GRM8: variants seen among roughly 807,000 people sequenced by gnomAD.
GRM8 encodes the protein glutamate metabotropic receptor 8.
GRM8 carries 47 observed loss-of-function variants against 87.2 expected under a neutral mutation model. The observed-to-expected ratio is 0.54, with a 90% CI of 0.43 to 0.69. The LOEUF is 0.69. Ranked by LOEUF, GRM8 falls within the 30% of genes least tolerant of loss-of-function variation. The pLI is 0.00. For missense variants in GRM8, 1,019 were observed against 1,139.2 expected (o/e 0.89, Z 1.52); for synonymous variants, 396 against 404.5 (o/e 0.98, Z 0.25).
At chr7:126,848,552 T>C (rs2130688907) in intron 6 of GRM8, among the ~76,000 whole-genome samples, 1 of 152,308 alleles carries the variant, frequency 6.6e-6, no homozygotes, top group South Asian at 2.1e-4. Context: ...CTGGGCATGA[T>C]GGCTCACACC....
rs1436662063 is a variant in GRM8 at position 126,742,295 on chromosome 7, A to G, written c.1357+27570T>C. 2.0e-5 allele frequency among the ~76,000 whole-genome samples: 3 copies of G among 152,104 alleles called. No homozygotes were observed. In the East Asian group the frequency reaches 5.8e-4, roughly 29 times the overall value. On this transcript the variant is annotated intron_variant, in intron 7 of 10. Transcript: ENST00000339582. ...CCTTATTCTCACATTTTTTAACTTT[A>G]TATAGGTAGAAAGACATACTGGCTA...
intron 2 of GRM8, chr7:127,215,018 T>A (rs1796438248): frequency 6.6e-6 from 1 of 152,216 alleles, no homozygotes; most frequent in Non-Finnish European, 1.5e-5. Context: ...AGTCTAATTC[T>A]ACTGTTTGTT....
intron 2 of GRM8, among the ~76,000 whole-genome samples, chr7:127,143,190 A>C (rs2133277467): frequency 6.6e-6 from 1 of 152,060 alleles, no homozygotes; most frequent in Non-Finnish European, 1.5e-5. Flanking sequence ...CTAATAGGTA[A>C]GCCTGTTGGA....
chr7:126,663,177 C>T (rs183387336), intron 7 of GRM8, among the ~76,000 whole-genome samples: 86 of 152,274 alleles, frequency 5.6e-4, no homozygotes, highest in East Asian at 7.7e-4. Context: ...AAAAGCCCTA[C>T]GGCAGATGGA....
At chr7:126,929,313 C>A (rs1436107891) in intron 3 of GRM8, among the ~76,000 whole-genome samples, 1 of 152,216 alleles carries the variant, frequency 6.6e-6, no homozygotes, top group African/African-American at 2.4e-5. Flanking sequence ...TCTGCTATGA[C>A]GACCACATTC....
At chr7:127,014,709 T>C (rs989132097) in intron 3 of GRM8, among the ~76,000 whole-genome samples, 2 of 152,078 alleles carry the variant, frequency 1.3e-5, no homozygotes, top group Admixed American at 1.3e-4. Flanking sequence ...CTTAAAATTC[T>C]TAAATGGTAA....
intron 3 of GRM8, among the ~76,000 whole-genome samples, chr7:126,922,021 A>C (rs924473590): frequency 1.1e-4 from 16 of 152,160 alleles, no homozygotes; most frequent in African/African-American, 3.9e-4. Context: ...AAGCCTCCAG[A>C]AGAATCTCCA....
At chr7:127,048,925 T>C (rs1819197152) in intron 3 of GRM8, among the ~76,000 whole-genome samples, 1 of 152,194 alleles carries the variant, frequency 6.6e-6, no homozygotes, top group Non-Finnish European at 1.5e-5. Context: ...GAATGGCTTA[T>C]GGATAAAAGC....
chr7:127,187,817 C>T (rs2299546), intron 2 of GRM8, among the ~76,000 whole-genome samples: 30,106 of 152,128 alleles, frequency 0.2, 3,386 homozygotes, highest in Middle Eastern at 0.31. Flanking sequence ...TATCATCTTC[C>T]TGTTCACCAG....
chr7:126,576,290 T>G (rs1376982490), intron 8 of GRM8, among the ~76,000 whole-genome samples: 2 of 152,130 alleles, frequency 1.3e-5, no homozygotes, highest in East Asian at 3.9e-4. Context: ...TGGTTTTTTG[T>G]TTTGTTTTTT....
At chr7:126,969,063 T>C (rs1216764690) in intron 3 of GRM8, among the ~76,000 whole-genome samples, 2 of 152,202 alleles carry the variant, frequency 1.3e-5, no homozygotes, top group Non-Finnish European at 2.9e-5. Flanking sequence ...TATCAAAAAA[T>C]GTACACACAT....
chr7:127,226,265 A>G (rs1043475612), intron 2 of GRM8, among the ~76,000 whole-genome samples: 1 of 152,204 alleles, frequency 6.6e-6, no homozygotes, highest in African/African-American at 2.4e-5. Context: ...CCATGATATA[A>G]CAAAGAGAAG....
chr7:126,466,460 G>T (rs1318717675), intron 9 of GRM8, among the ~76,000 whole-genome samples: 1 of 151,846 alleles, frequency 6.6e-6, no homozygotes, highest in African/African-American at 2.4e-5. Context: ...ATATTAGTCA[G>T]GGTTCTCCAA....
At chr7:126,443,004 T>C (rs910471498) in intron 10 of GRM8, among the ~76,000 whole-genome samples, 1 of 152,048 alleles carries the variant, frequency 6.6e-6, no homozygotes, top group African/African-American at 2.4e-5. Context: ...AATGAGTTCA[T>C]AGGGAGATGT....
rs912092222 is a variant in GRM8, at chr7:126,452,224, A to T, written c.2431-5852T>A. 2.7e-5 allele frequency among the ~76,000 whole-genome samples: 4 copies of T among 147,864 alleles called. No individual in the cohort carries two copies. In the Admixed American group the frequency reaches 2.7e-4, roughly 10 times the overall value. ...TGGTATGTTCTCACTCATAGGTGGG[A>T]ATTGAACAATGAGAACACTTGGACC... On this transcript the variant is annotated intron_variant, in intron 9 of 10. Transcript: ENST00000339582.
intron 6 of GRM8, among the ~76,000 whole-genome samples, chr7:126,832,440 ACTCT>A (rs1795481983): frequency 6.6e-6 from 1 of 152,102 alleles, no homozygotes; most frequent in Non-Finnish European, 1.5e-5. Flanking sequence ...ATCTAAACTC[ACTCT>A]CTATTCAGAT....
At chr7:126,551,334 A>C (rs188549002) in intron 8 of GRM8, among the ~76,000 whole-genome samples, 7 of 152,200 alleles carry the variant, frequency 4.6e-5, no homozygotes, top group African/African-American at 1.7e-4. Context: ...TCTGAACACT[A>C]TCACTATTAT....
At chr7:126,620,385 A>G (rs1308588351) in intron 7 of GRM8, among the ~76,000 whole-genome samples, 2 of 152,212 alleles carry the variant, frequency 1.3e-5, no homozygotes, top group Non-Finnish European at 2.9e-5. Flanking sequence ...CTACCCTTAG[A>G]TGTCACACAT....
At chr7:127,208,158 G>A (rs1010442447) in intron 2 of GRM8, among the ~76,000 whole-genome samples, 1 of 152,110 alleles carries the variant, frequency 6.6e-6, no homozygotes, top group Admixed American at 6.5e-5. Context: ...GAGGGCCTTC[G>A]TGTCCCTGCC....
Sources: gnomAD v4.1 joint callset for allele counts (sites outside exome capture counted in the v4.1 genomes callset) on GRCh38, gnomAD v4.1.1 for gene constraint, MANE v1.5 for transcripts, NCBI Gene and HGNC (gene_info 2026-07-23, HGNC 2026-07-21) for gene names.